The following PRKD1 variants were observed in gnomAD, a reference collection of about 807,000 sequenced individuals.
PRKD1 encodes protein kinase D1, also known as serine/threonine-protein kinase D1.
A neutral mutation model predicts 95.9 loss-of-function variants in PRKD1; 63 were observed. The observed-to-expected ratio is 0.66, with a 90% CI of 0.54 to 0.81. The LOEUF (loss-of-function observed/expected upper bound fraction) is 0.81, where lower values mean the gene tolerates loss of function less well. PRKD1 is among the 30% of genes least tolerant of loss of function. The probability of loss-of-function intolerance (pLI) is 0.00; values close to 1 mark genes in which losing one functional copy is unlikely to be tolerated. For missense variants in PRKD1, 1,048 were observed against 1,165.3 expected (o/e 0.90, Z 1.47); for synonymous variants, 425 against 423.1 (o/e 1.00, Z -0.05).
At chr14:29,676,944 G>T (rs945908435) in intron 2 of PRKD1, among the ~76,000 whole-genome samples, 6 of 151,948 alleles carry the variant, frequency 3.9e-5, no homozygotes, top group Admixed American at 6.6e-5. Context: ...TTAAAAATTC[G>T]GTTCCTCAGT....
intron 1 of PRKD1, among the ~76,000 whole-genome samples, chr14:29,748,696 G>A (rs1887342644): frequency 6.6e-6 from 1 of 152,112 alleles, no homozygotes. Context: ...CCTAGGACAT[G>A]CCAAGCACAT....
chr14:29,714,672 G>A (rs2139365400), intron 2 of PRKD1, among the ~76,000 whole-genome samples: 1 of 152,130 alleles, frequency 6.6e-6, no homozygotes, highest in Non-Finnish European at 1.5e-5. Flanking sequence ...TGTTTATTGT[G>A]GCACTGTTCA....
At chr14:29,709,061 A>G (rs1489080688) in intron 2 of PRKD1, among the ~76,000 whole-genome samples, 1 of 152,158 alleles carries the variant, frequency 6.6e-6, no homozygotes, top group African/African-American at 2.4e-5. Flanking sequence ...CCCTTTGTTG[A>G]TGGCAAATTC....
intron 1 of PRKD1, among the ~76,000 whole-genome samples, chr14:29,826,782 C>CATATATATACACATATATATACATAT (rs1358133940): frequency 4.0e-5 from 1 of 25,250 alleles, no homozygotes; most frequent in African/African-American, 1.7e-4. Context: ...CATATATATA[C>CATATATATACACATATATATACATAT]ATATATACAC....
chr14:29,668,223 A>T (rs1225673586), intron 2 of PRKD1, among the ~76,000 whole-genome samples: 2 of 152,176 alleles, frequency 1.3e-5, no homozygotes, highest in Admixed American at 6.5e-5. Flanking sequence ...ACAAAATTGC[A>T]CTTCAGAGAT....
At chr14:29,779,857 T>C (rs1888960599) in intron 1 of PRKD1, among the ~76,000 whole-genome samples, 1 of 152,174 alleles carries the variant, frequency 6.6e-6, no homozygotes, top group Non-Finnish European at 1.5e-5. Context: ...AGAACAAAGC[T>C]GGAGGCATCA....
intron 1 of PRKD1, among the ~76,000 whole-genome samples, chr14:29,784,637 C>G (rs2139177142): frequency 6.6e-6 from 1 of 152,118 alleles, no homozygotes; most frequent in South Asian, 2.1e-4. Flanking sequence ...AAATAAATGT[C>G]CCTTTGTCAA....
chr14:29,891,561 C>G (rs184983615), intron 1 of PRKD1, among the ~76,000 whole-genome samples: 2 of 152,234 alleles, frequency 1.3e-5, no homozygotes, highest in East Asian at 3.9e-4. Flanking sequence ...GAGGACTTTT[C>G]TGGTGGCTCT....
At chr14:29,891,307 T>G (rs1594607099) in intron 1 of PRKD1, among the ~76,000 whole-genome samples, 1 of 152,316 alleles carries the variant, frequency 6.6e-6, no homozygotes, top group Non-Finnish European at 1.5e-5. Flanking sequence ...GCTTTTTTGT[T>G]TGTTTTTTCA....
At chr14:29,919,986 A>AG (rs1566672106) in intron 1 of PRKD1, among the ~76,000 whole-genome samples, 3 of 142,812 alleles carry the variant, frequency 2.1e-5, no homozygotes, top group African/African-American at 5.3e-5. Flanking sequence ...GAGAGAGAGA[A>AG]AGAGAGGAAG....
At chr14:29,914,206 G>C (rs1894814925) in intron 1 of PRKD1, among the ~76,000 whole-genome samples, 1 of 152,212 alleles carries the variant, frequency 6.6e-6, no homozygotes, top group Non-Finnish European at 1.5e-5. Flanking sequence ...GAAGTTACGT[G>C]TTGGCATTAG....
In PRKD1 at chr14:29,885,849, C is replaced by T. The variant is rs534528435; in HGVS notation, c.264+41400G>A. Among the ~76,000 whole-genome samples, 33 of 145,472 alleles carry T rather than the reference C, an allele frequency of 2.3e-4. No homozygotes were observed. The East Asian group carries it at 5.1e-3, about 23-fold the overall frequency. ...AAAAAAATAGCCAGGCGTGGTGGCACGCACCTACTCAGGAAGCTGAGGCAG... is the reference window on the plus strand; with the variant it reads ...AAAAAAATAGCCAGGCGTGGTGGCATGCACCTACTCAGGAAGCTGAGGCAG... On this transcript the variant is annotated intron_variant, in intron 1 of 17. Transcript: ENST00000331968.
At chr14:29,725,895 C>T (rs1351092390) in intron 1 of PRKD1, among the ~76,000 whole-genome samples, 1 of 152,052 alleles carries the variant, frequency 6.6e-6, no homozygotes, top group Admixed American at 6.6e-5. Context: ...CAGTAATGGT[C>T]AAGTGGTTTT....
chr14:29,663,929 A>C, intron 3 of PRKD1, 70 bp from the exon 4 acceptor site: 1 of 1,460,782 alleles, frequency 6.8e-7, no homozygotes, highest in South Asian at 1.2e-5. Flanking sequence ...ATTAGTGTAA[A>C]GTAGAAATTT....
intron 16 of PRKD1, among the ~76,000 whole-genome samples, chr14:29,582,212 A>G (rs1443080501): frequency 6.6e-6 from 1 of 152,192 alleles, no homozygotes; most frequent in African/African-American, 2.4e-5. Flanking sequence ...TGTTTTCTAA[A>G]TATTTGCAAA....
At chr14:29,584,169 T>G (rs1469751405) in intron 16 of PRKD1, among the ~76,000 whole-genome samples, 1 of 152,180 alleles carries the variant, frequency 6.6e-6, no homozygotes, top group Non-Finnish European at 1.5e-5. Flanking sequence ...TGATATAGAT[T>G]CCATTTTTTC....
chr14:29,579,297 TC>T (rs996256772), intron 16 of PRKD1, among the ~76,000 whole-genome samples: 2 of 152,058 alleles, frequency 1.3e-5, no homozygotes, highest in African/African-American at 4.8e-5. Flanking sequence ...CTTCCATGTT[TC>T]TCTTTTTGAA....
rs1315368486 is a variant in PRKD1 at position 29,638,820 on chromosome 14, T to C, written c.781A>G (p.Lys261Glu). ...SYIGRPIHLD[K>E]ILMSKVKVPH... The stretch of plus-strand genomic sequence containing the variant: ...ACTTTAACTTTAGACATCAAAATCT[T>C]GTCAAGGTGAATTGGTCGTCCAATG... Residue 261 changes from lysine (K) to glutamate (E), a missense_variant, in exon 5 of 18, where the codon AAG becomes GAG. By Grantham distance (56) the Lys-to-Glu change is moderately conservative. This residue lies in a region of PRKD1 where 739 missense variants were observed against 861.9 expected (regional missense o/e 0.86). Transcript: ENST00000331968. 1 of 1,614,094 alleles carries C rather than the reference T, an allele frequency of 6.2e-7. No individual in the cohort carries two copies. Among genetic ancestry groups the C allele is most frequent in the Non-Finnish European group, 8.5e-7 (1 of 1,180,000 alleles).
At chr14:29,804,596 A>AT (rs1890162518) in intron 1 of PRKD1, among the ~76,000 whole-genome samples, 1 of 151,818 alleles carries the variant, frequency 6.6e-6, no homozygotes, top group Admixed American at 6.6e-5. Flanking sequence ...ACTAAAAAAA[A>AT]AAAAAATGCA....
Sources: gnomAD v4.1 joint callset for allele counts (sites outside exome capture counted in the v4.1 genomes callset) on GRCh38, gnomAD v4.1.1 for gene constraint, gnomAD v4.1.1 regional missense constraint, MANE v1.5 for transcripts, NCBI Gene and HGNC (gene_info 2026-07-23, HGNC 2026-07-21) for gene names.